Variants in CNTNAP2 observed in about 807,000 individuals in gnomAD.
The protein encoded by CNTNAP2 is contactin associated protein 2.
A neutral mutation model predicts 155.2 loss-of-function variants in CNTNAP2; 98 were observed. The observed-to-expected ratio is 0.63, with a 90% CI of 0.54 to 0.75. CNTNAP2 has a LOEUF of 0.75. Ranked by LOEUF, CNTNAP2 falls within the 30% of genes least tolerant of loss-of-function variation. CNTNAP2 has a pLI of 0.00. For synonymous variants in CNTNAP2, 651 were observed against 631.2 expected (o/e 1.03, Z -0.47); for missense variants, 1,727 against 1,688.1 (o/e 1.02, Z -0.40).
At chr7:146,197,975 G>T (rs1448041244) in intron 1 of CNTNAP2, among the ~76,000 whole-genome samples, 1 of 152,062 alleles carries the variant, frequency 6.6e-6, no homozygotes, top group African/African-American at 2.4e-5. Flanking sequence ...TGTCTTACAT[G>T]GCAGCAGGAG....
chr7:148,324,846 C>T (rs916474956), intron 21 of CNTNAP2, among the ~76,000 whole-genome samples: 6 of 149,102 alleles, frequency 4.0e-5, no homozygotes, highest in Non-Finnish European at 8.9e-5. Flanking sequence ...ATGCTAGATA[C>T]CCAGCACCCA....
chr7:146,129,908 CTCTT>C (rs1417937471), intron 1 of CNTNAP2, among the ~76,000 whole-genome samples: 12 of 152,112 alleles, frequency 7.9e-5, no homozygotes, highest in Non-Finnish European at 1.6e-4. Flanking sequence ...ATTAAGGAAA[CTCTT>C]TCTGTTATAA....
chr7:147,378,081 A>C (rs1183304239), intron 9 of CNTNAP2: 1 of 463,330 alleles, frequency 2.2e-6, no homozygotes, highest in Non-Finnish European at 4.4e-6. Context: ...TAATGGCAAA[A>C]ACCACTATTA....
intron 8 of CNTNAP2, among the ~76,000 whole-genome samples, chr7:147,161,245 C>T (rs992978705): frequency 6.6e-6 from 1 of 152,084 alleles, no homozygotes; most frequent in Non-Finnish European, 1.5e-5. Flanking sequence ...TATGAAGTAC[C>T]AGTTGCATAG....
Position 148,229,627 on chromosome 7 carries a change from T to A in CNTNAP2, c.3248-19T>A. 6.2e-7 allele frequency: 1 copy of A among 1,614,062 alleles called. No homozygotes were observed. The highest frequency in any genetic ancestry group is 8.5e-7 in the Non-Finnish European group (1 of 1,179,968). The stretch of plus-strand genomic sequence containing the variant: ...ATTTAGGGCAAACAAATTACTGAGC[T>A]TTCTTTTTTCTTCTATAGGAAGCTT... On this transcript the variant is annotated intron_variant, in intron 19 of 23. Transcript: ENST00000361727.
chr7:147,158,041 A>G (rs1801959242), intron 8 of CNTNAP2, among the ~76,000 whole-genome samples: 1 of 152,114 alleles, frequency 6.6e-6, no homozygotes. Flanking sequence ...AAAAACACTC[A>G]GCTAAATGAC....
At chr7:146,273,825 C>G (rs769128563) in intron 1 of CNTNAP2, among the ~76,000 whole-genome samples, 4 of 152,058 alleles carry the variant, frequency 2.6e-5, no homozygotes, top group Non-Finnish European at 5.9e-5. Context: ...TTTCCTTCTT[C>G]GTAAAACAAG....
At chr7:146,294,270 C>G (rs940057404) in intron 1 of CNTNAP2, among the ~76,000 whole-genome samples, 1 of 152,150 alleles carries the variant, frequency 6.6e-6, no homozygotes, top group East Asian at 1.9e-4. Context: ...ACAATATGCC[C>G]AGAACCCAGA....
At chr7:147,595,218 CT>C (rs1177444783) in intron 12 of CNTNAP2, among the ~76,000 whole-genome samples, 3 of 152,176 alleles carry the variant, frequency 2.0e-5, no homozygotes, top group Admixed American at 2.0e-4. Flanking sequence ...TGTCACTCTC[CT>C]CTAACAGCCA....
chr7:146,906,319 C>T (rs952237991), intron 3 of CNTNAP2, among the ~76,000 whole-genome samples: 2 of 152,220 alleles, frequency 1.3e-5, no homozygotes, highest in African/African-American at 4.8e-5. Context: ...GGAGGCCTGG[C>T]TGCCTCTGTA....
chr7:148,091,308 T>C (rs1192311836), intron 15 of CNTNAP2, among the ~76,000 whole-genome samples: 1 of 152,226 alleles, frequency 6.6e-6, no homozygotes, highest in Non-Finnish European at 1.5e-5. Context: ...ACTGTGTATG[T>C]ACATGTGTAT....
At chr7:147,697,034 G>A (rs1796170730) in intron 13 of CNTNAP2, among the ~76,000 whole-genome samples, 1 of 151,868 alleles carries the variant, frequency 6.6e-6, no homozygotes, top group Admixed American at 6.6e-5. Context: ...TCCTATTTCT[G>A]TAGTTTGATG....
intron 20 of CNTNAP2, among the ~76,000 whole-genome samples, chr7:148,240,937 T>C (rs1345805923): frequency 6.6e-6 from 1 of 152,206 alleles, no homozygotes; most frequent in Admixed American, 6.5e-5. Flanking sequence ...CTAGCTGCAC[T>C]GGCAGCTGAT....
intron 10 of CNTNAP2, among the ~76,000 whole-genome samples, chr7:147,452,957 GA>G (rs1797858558): frequency 6.6e-6 from 1 of 150,908 alleles, no homozygotes; most frequent in East Asian, 2.0e-4. Context: ...GAAAGGGAGG[GA>G]GGGGGAAGGA....
intron 1 of CNTNAP2, among the ~76,000 whole-genome samples, chr7:146,694,925 G>T (rs1800757062): frequency 6.6e-6 from 1 of 152,062 alleles, no homozygotes; most frequent in Non-Finnish European, 1.5e-5. Context: ...AACAACTTTT[G>T]CACATTAACC....
intron 13 of CNTNAP2, among the ~76,000 whole-genome samples, chr7:147,833,265 T>C (rs1224334633): frequency 6.6e-6 from 1 of 151,958 alleles, no homozygotes; most frequent in Non-Finnish European, 1.5e-5. Flanking sequence ...TTAGCGCCAA[T>C]CTGGAAGTTA....
chr7:146,575,399 G>A (rs1798509404), intron 1 of CNTNAP2, among the ~76,000 whole-genome samples: 1 of 152,186 alleles, frequency 6.6e-6, no homozygotes, highest in African/African-American at 2.4e-5. Context: ...ACAGGCTTGA[G>A]CCACCATGCC....
chr7:148,285,185 A>G (rs957678161), intron 21 of CNTNAP2, among the ~76,000 whole-genome samples: 17 of 152,250 alleles, frequency 1.1e-4, no homozygotes, highest in African/African-American at 4.1e-4. Flanking sequence ...TGCTCTGGTG[A>G]TAAGACAGAC....
chr7:147,131,411 A>T (rs1801356809), intron 7 of CNTNAP2, among the ~76,000 whole-genome samples: 1 of 151,998 alleles, frequency 6.6e-6, no homozygotes, highest in South Asian at 2.1e-4. Flanking sequence ...CTGTAAAGAG[A>T]ATGTAGTTAG....
Sources: allele counts gnomAD v4.1 joint callset (sites outside exome capture counted in the v4.1 genomes callset), GRCh38; gene constraint gnomAD v4.1.1; transcripts MANE v1.5; gene names NCBI Gene and HGNC (gene_info 2026-07-23, HGNC 2026-07-21).